The following RPP30 variants were observed in gnomAD, a reference collection of about 807,000 sequenced individuals.
RPP30 encodes ribonuclease P/MRP subunit p30, also known as ribonuclease P protein subunit p30.
Under a neutral mutation model 38.6 loss-of-function variants are expected in RPP30, and 36 were observed. That is an observed-to-expected ratio of 0.93 (90% CI 0.71 to 1.23). The LOEUF is 1.23. RPP30 is among the 50% of genes most tolerant of loss of function. The pLI is 0.00. For synonymous variants in RPP30, 126 were observed against 112.7 expected (o/e 1.12, Z -0.75); for missense variants, 321 against 321.7 (o/e 1.00, Z 0.02).
chr10:90,889,967 A>G (rs1353382356), intron 6 of RPP30, among the ~76,000 whole-genome samples: 1 of 152,146 alleles, frequency 6.6e-6, no homozygotes, highest in African/African-American at 2.4e-5. Flanking sequence ...TAATCACATG[A>G]CTTCAGATTA....
At chr10:90,903,277 G>A (rs763496502), downstream of RPP30, 4 of 1,594,170 alleles carry the variant, frequency 2.5e-6, no homozygotes, top group Non-Finnish European at 3.4e-6. Flanking sequence ...TCTTTAAAAG[G>A]TTGGTACCCA....
downstream of RPP30, among the ~76,000 whole-genome samples, chr10:90,904,048 C>G (rs1847229101): frequency 6.6e-6 from 1 of 152,084 alleles, no homozygotes; most frequent in Non-Finnish European, 1.5e-5. Context: ...TGTATTTGGT[C>G]TTTGGACTTG....
At chr10:90,898,091 C>G (rs577354774) in intron 10 of RPP30, among the ~76,000 whole-genome samples, 12 of 152,152 alleles carry the variant, frequency 7.9e-5, no homozygotes, top group Non-Finnish European at 1.8e-4. Flanking sequence ...ACTACCCTTC[C>G]CAGCCTCTGG....
At position 90,901,102 on chromosome 10, in the gene RPP30, G is replaced by A; in HGVS notation, c.*423G>A. ...TGATCCTCCCGCTTCAGCCTCTCAAGCAGCGGGAACTACAGGTGTGCACTA... is the reference window on the plus strand; with the variant it reads ...TGATCCTCCCGCTTCAGCCTCTCAAACAGCGGGAACTACAGGTGTGCACTA... On this transcript the variant is annotated 3_prime_UTR_variant, in exon 11 of 11. Transcript: ENST00000371703. 3.1e-6 allele frequency: 1 copy of A among 324,500 alleles called. No individual in the cohort carries two copies. The highest frequency in any genetic ancestry group is 4.4e-6 in the Non-Finnish European group (1 of 226,960). 20.1% of individuals were successfully genotyped at this position (324,500 alleles called of 1,614,324 possible). A position where few individuals can be genotyped will look rare whatever the true frequency, so the allele number is the denominator to read the frequency against.
intron 8 of RPP30, 145 bp from the exon 9 acceptor site, chr10:90,895,735 C>G (rs1847132178): frequency 1.6e-6 from 1 of 621,216 alleles, no homozygotes; most frequent in Admixed American, 3.6e-5. Flanking sequence ...TTTTCAAAAG[C>G]TATGAAACCC....
Position 90,896,994 on chromosome 10 carries a change from A to G in RPP30, c.697+602A>G, listed in dbSNP as rs570338380. ...GGTCTTGAACTCCTGGGCTCAAGCA[A>G]TCCTCCTACCTCAGCCTCCCAAAGT... is the stretch of plus-strand genomic sequence containing the variant. On this transcript the variant is annotated intron_variant, in intron 10 of 10. Transcript: ENST00000371703. 2.9e-3 allele frequency among the ~76,000 whole-genome samples: 446 copies of G among 152,136 alleles called. 1 individual carries two copies. The highest frequency in any genetic ancestry group is 8.3e-3 in the African/African-American group (345 of 41,508).
chr10:90,898,538 T>C (rs1847168570), intron 10 of RPP30, among the ~76,000 whole-genome samples: 1 of 152,190 alleles, frequency 6.6e-6, no homozygotes, highest in Non-Finnish European at 1.5e-5. Context: ...AGCCGGCATC[T>C]GTATCATTCT....
At chr10:90,899,433 A>G (rs565189563) in intron 10 of RPP30, among the ~76,000 whole-genome samples, 1 of 152,272 alleles carries the variant, frequency 6.6e-6, no homozygotes, top group Non-Finnish European at 1.5e-5. Context: ...TTCATAGCTA[A>G]ATTTCTGTTC....
intron 1 of RPP30, 110 bp from the exon 2 acceptor site, chr10:90,874,759 C>A: frequency 1.7e-6 from 1 of 582,216 alleles, no homozygotes; most frequent in Non-Finnish European, 3.0e-6. Context: ...ACATTCATAA[C>A]CACTCCTCAA....
At chr10:90,878,295 C>T (rs1281667814) in intron 4 of RPP30, among the ~76,000 whole-genome samples, 1 of 152,128 alleles carries the variant, frequency 6.6e-6, no homozygotes, top group African/African-American at 2.4e-5. Flanking sequence ...TTATACCCTC[C>T]TAACTTTTAT....
intron 10 of RPP30, 46 bp downstream of exon 10, chr10:90,896,438 A>T: frequency 8.6e-6 from 13 of 1,515,876 alleles, no homozygotes; most frequent in Non-Finnish European, 1.2e-5. Context: ...TGTTAAAAGC[A>T]AGTCATTTTT....
chr10:90,903,372 TTAG>T (rs1251142972), downstream of RPP30: 21 of 698,802 alleles, frequency 3.0e-5, no homozygotes, highest in Non-Finnish European at 4.8e-5. Flanking sequence ...AATTTATGAA[TTAG>T]TGATGTACCA....
At position 90,900,674 on chromosome 10, in the gene RPP30, G is replaced by T. The variant is rs1386063756; in HGVS notation, c.802G>T (p.Gly268Cys). Residue 268 changes from glycine (G) to cysteine (C), a missense_variant, in exon 11 of 11, where the codon GGC (glycine) becomes TGC (cysteine). By Grantham distance (159) the Gly-to-Cys change is radical. Transcript: ENST00000371703. ...LPASKKAKCE[G>C] Reference sequence around the variant, plus strand: ...AGCTTCCAAGAAAGCCAAGTGTGAGGGCTGAAAAGAATGCCCCAGTCTCTG... The same window carrying T: ...AGCTTCCAAGAAAGCCAAGTGTGAGTGCTGAAAAGAATGCCCCAGTCTCTG... The T allele has an allele frequency of 1.9e-6, 3 of 1,612,948 alleles. No homozygotes were observed. Among genetic ancestry groups the T allele is most frequent in the Non-Finnish European group, 1.7e-6 (2 of 1,179,520 alleles).
At chr10:90,882,284 T>C (rs1846939287) in intron 5 of RPP30, among the ~76,000 whole-genome samples, 1 of 152,226 alleles carries the variant, frequency 6.6e-6, no homozygotes, top group African/African-American at 2.4e-5. Flanking sequence ...TGCTTCCAAA[T>C]ATATATATGT....
At position 90,901,723 on chromosome 10, in the gene RPP30, G is replaced by A. The variant is rs1175989287; in HGVS notation, c.*1044G>A. On this transcript the variant is annotated 3_prime_UTR_variant, in exon 11 of 11. Transcript: ENST00000371703. ...ATGCATTTATGCAATATTAATGTAA[G>A]GGCTCTAAAACAATGGAGTAGAGCC... The A allele has an allele frequency of 2.0e-6, 2 of 983,518 alleles. No homozygotes were observed. Among genetic ancestry groups the A allele is most frequent in the Admixed American group, 6.1e-5 (1 of 16,262 alleles). The allele number at this position is 983,518 out of a possible 1,614,324, so 60.9% of individuals were successfully genotyped here.
chr10:90,902,385 A>AT, downstream of RPP30: 1 of 336,774 alleles, frequency 3.0e-6, no homozygotes, highest in South Asian at 2.2e-5. Flanking sequence ...ATCCCAGCTA[A>AT]TTTTTGTATT....
At chr10:90,906,420 A>G (rs1238865833), downstream of RPP30, among the ~76,000 whole-genome samples, 1 of 152,224 alleles carries the variant, frequency 6.6e-6, no homozygotes, top group Non-Finnish European at 1.5e-5. Flanking sequence ...GAGTTTGGCT[A>G]GGAAGGTTAT....
At chr10:90,902,668 A>G (rs973247222), downstream of RPP30, among the ~76,000 whole-genome samples, 1 of 152,244 alleles carries the variant, frequency 6.6e-6, no homozygotes, top group African/African-American at 2.4e-5. Flanking sequence ...ATAAAAACCC[A>G]TGGCAAAATT....
chr10:90,905,044 C>T (rs965184851), downstream of RPP30, among the ~76,000 whole-genome samples: 1 of 152,110 alleles, frequency 6.6e-6, no homozygotes, highest in Non-Finnish European at 1.5e-5. Flanking sequence ...TTGCAATAGA[C>T]CTGCCGAGCA....
Sources: gnomAD v4.1 joint callset for allele counts (sites outside exome capture counted in the v4.1 genomes callset) on GRCh38, gnomAD v4.1.1 for gene constraint, MANE v1.5 for transcripts, NCBI Gene and HGNC (gene_info 2026-07-23, HGNC 2026-07-21) for gene names.